The following DGLUCY variants were observed in gnomAD, a reference collection of about 807,000 sequenced individuals.
The protein encoded by DGLUCY is D-glutamate cyclase, mitochondrial.
Under a neutral mutation model 58.5 loss-of-function variants are expected in DGLUCY, and 58 were observed. That is an observed-to-expected ratio of 0.99 (90% CI 0.80 to 1.23). The LOEUF (loss-of-function observed/expected upper bound fraction) is 1.23. Among genes scored for constraint, DGLUCY ranks in the 50% most tolerant of loss-of-function variants. DGLUCY has a pLI of 0.00. For synonymous variants in DGLUCY, 325 were observed against 314.1 expected, an observed-to-expected ratio of 1.03 and a Z score of -0.37; for missense variants, 779 against 784.7, an observed-to-expected ratio of 0.99 and a Z score of 0.09.
At chr14:91,128,920 C>G (rs750198272) in intron 1 of DGLUCY, 13 of 151,644 alleles carry the variant, frequency 8.6e-5, no homozygotes, top group South Asian at 2.1e-4. Flanking sequence ...CAGGTAAGGC[C>G]CCATGATTGG....
At position 91,166,699 on chromosome 14, in the gene DGLUCY, G is replaced by A. The variant is rs916616067; in HGVS notation, c.104-526G>A. On this transcript the variant is annotated intron_variant, in intron 3 of 13. Transcript: ENST00000256324. Reference sequence around the variant, plus strand: ...AAAATTACATTAGAAGTTGGGTATGGTAGTGTGCACCTGTAGTTCCAGCTA... The same window carrying A: ...AAAATTACATTAGAAGTTGGGTATGATAGTGTGCACCTGTAGTTCCAGCTA... Among the ~76,000 whole-genome samples the A allele has an allele frequency of 4.1e-4, 63 of 152,122 alleles. 1 individual carries two copies. The highest frequency in any genetic ancestry group is 4.2e-4 in the South Asian group (2 of 4,810).
At chr14:91,171,901 G>A (rs916080680) in intron 5 of DGLUCY, among the ~76,000 whole-genome samples, 2 of 152,156 alleles carry the variant, frequency 1.3e-5, no homozygotes, top group Non-Finnish European at 1.5e-5. Flanking sequence ...AGCTCCTCCT[G>A]TGATGTTCTC....
chr14:91,122,045 T>C lies in DGLUCY; in HGVS notation c.-82+7762T>C, dbSNP rs113782591. ...AGCAGTTGTATTTAGTGGAGAACAG[T>C]ATTCACACCTTGTTGTCTAGATTGC... On this transcript the variant is annotated intron_variant, in intron 1 of 13. Coordinates refer to ENST00000256324, the MANE Select transcript of DGLUCY (RefSeq NM_001102368.3). 2.9e-3 allele frequency among the ~76,000 whole-genome samples: 437 copies of C among 152,308 alleles called. 2 individuals are homozygous for C. The highest frequency in any genetic ancestry group is 4.3e-3 in the Non-Finnish European group (290 of 68,030).
chr14:91,196,768 AG>A (rs1163032807), intron 10 of DGLUCY, among the ~76,000 whole-genome samples: 1 of 128,546 alleles, frequency 7.8e-6, no homozygotes, highest in East Asian at 2.6e-4. Context: ...AAAAAAAAAA[AG>A]TTTCTCAGTC....
chr14:91,153,861 G>A (rs1201943362), intron 1 of DGLUCY, among the ~76,000 whole-genome samples: 1 of 152,210 alleles, frequency 6.6e-6, no homozygotes, highest in African/African-American at 2.4e-5. Flanking sequence ...CGGTCCTGAG[G>A]ACATGCACCC....
At position 91,070,666 on chromosome 14, in the gene DGLUCY, A is replaced by G. The variant is rs920762902; in HGVS notation, c.-82+9962A>G. Among the ~76,000 whole-genome samples the G allele has an allele frequency of 4.6e-5, 7 of 152,232 alleles. No homozygotes were observed. The South Asian group carries it at 6.2e-4, about 14-fold the overall frequency. ...GGAATCAACCAAAAGAGAATGAACAAGAGGGAAAACAATGGAACAATATGG... is the reference window on the plus strand; with the variant it reads ...GGAATCAACCAAAAGAGAATGAACAGGAGGGAAAACAATGGAACAATATGG... On this transcript the variant is annotated intron_variant, in intron 1 of 4. Transcript: ENST00000521334.
intron 1 of DGLUCY, among the ~76,000 whole-genome samples, chr14:91,133,424 A>G (rs1037405564): frequency 6.6e-6 from 1 of 152,132 alleles, no homozygotes; most frequent in Non-Finnish European, 1.5e-5. Context: ...CCTTTTGGCT[A>G]TTGTGGATAA....
At chr14:91,061,411 A>G (rs1195523537) in intron 1 of DGLUCY, among the ~76,000 whole-genome samples, 1 of 152,276 alleles carries the variant, frequency 6.6e-6, no homozygotes, top group Non-Finnish European at 1.5e-5. Context: ...ACAAAATAGA[A>G]TACAATTCCT....
intron 1 of DGLUCY, among the ~76,000 whole-genome samples, chr14:91,074,344 T>C (rs1202165778): frequency 6.8e-6 from 1 of 147,910 alleles, no homozygotes; most frequent in African/African-American, 2.5e-5. Context: ...CCGAGTGTGA[T>C]GGCATGTACC....
chr14:91,177,777 T>A (rs10132170), intron 7 of DGLUCY, among the ~76,000 whole-genome samples: 2 of 152,144 alleles, frequency 1.3e-5, no homozygotes, highest in Non-Finnish European at 2.9e-5. Context: ...TGATGAGGCG[T>A]GGCTGCCAAG....
intron 9 of DGLUCY, among the ~76,000 whole-genome samples, chr14:91,191,043 G>A (rs372316555): frequency 9.9e-5 from 15 of 152,232 alleles, no homozygotes; most frequent in African/African-American, 2.9e-4. Flanking sequence ...ATGGGACCCC[G>A]CCACAAGCTA....
chr14:91,157,257 GAAT>G (rs1172744863), intron 1 of DGLUCY, among the ~76,000 whole-genome samples: 34 of 83,648 alleles, frequency 4.1e-4, no homozygotes, highest in African/African-American at 1.5e-3. Context: ...ATGGATGGAT[GAAT>G]GAATGGGTGG....
chr14:91,217,768 G>A (rs890027743), intron 13 of DGLUCY, among the ~76,000 whole-genome samples: 3 of 152,016 alleles, frequency 2.0e-5, no homozygotes, highest in South Asian at 2.1e-4. Context: ...GATTCCAGGC[G>A]TGAGCCACCA....
intron 1 of DGLUCY, among the ~76,000 whole-genome samples, chr14:91,150,321 G>T (rs1361806781): frequency 6.6e-6 from 1 of 151,884 alleles, no homozygotes; most frequent in African/African-American, 2.4e-5. Context: ...GCTGGAACAG[G>T]GGCCCCGGGG....
chr14:91,081,062 G>A (rs750498013), intron 1 of DGLUCY, among the ~76,000 whole-genome samples: 58 of 152,256 alleles, frequency 3.8e-4, no homozygotes, highest in Non-Finnish European at 8.1e-4. Context: ...AATTAGCTGG[G>A]CATGGCGGCA....
chr14:91,073,829 G>A (rs1276374838), intron 1 of DGLUCY, among the ~76,000 whole-genome samples: 3 of 152,048 alleles, frequency 2.0e-5, no homozygotes, highest in South Asian at 2.1e-4. Context: ...AGGCTGCAGT[G>A]AGCTATGACC....
chr14:91,089,606 G>T (rs2044276453), intron 1 of DGLUCY, among the ~76,000 whole-genome samples: 1 of 152,178 alleles, frequency 6.6e-6, no homozygotes, highest in African/African-American at 2.4e-5. Flanking sequence ...CGGAACACTT[G>T]AGATCAGGAG....
intron 1 of DGLUCY, among the ~76,000 whole-genome samples, chr14:91,099,013 G>C (rs1015671757): frequency 6.6e-6 from 1 of 152,230 alleles, no homozygotes; most frequent in Non-Finnish European, 1.5e-5. Flanking sequence ...AAAGATGTCT[G>C]TTCTGCTCTA....
intron 1 of DGLUCY, among the ~76,000 whole-genome samples, chr14:91,135,653 T>TTA (rs376823612): frequency 2.0e-5 from 2 of 100,284 alleles, no homozygotes; most frequent in South Asian, 3.9e-4. Flanking sequence ...TCTGCCTCAT[T>TTA]AAAAAAAAAA....
Sources: gnomAD v4.1 joint callset for allele counts (sites outside exome capture counted in the v4.1 genomes callset) on GRCh38, gnomAD v4.1.1 for gene constraint, MANE v1.5 for transcripts, NCBI Gene and HGNC (gene_info 2026-07-23, HGNC 2026-07-21) for gene names.